TINAGL1: variants seen among roughly 807,000 people sequenced by gnomAD.
TINAGL1 encodes tubulointerstitial nephritis antigen like 1.
A neutral mutation model predicts 62.0 loss-of-function variants in TINAGL1; 34 were observed. The ratio of observed to expected loss-of-function variants is 0.55; its 90% confidence interval spans 0.42 to 0.73. The LOEUF is 0.73. TINAGL1 is among the 30% of genes least tolerant of loss of function. The probability of loss-of-function intolerance (pLI) is 0.00; values close to 1 mark genes in which losing one functional copy is unlikely to be tolerated. For missense variants in TINAGL1, 516 were observed against 653.2 expected, an observed-to-expected ratio of 0.79 and a Z score of 2.29; for synonymous variants, 221 against 249.7, an observed-to-expected ratio of 0.88 and a Z score of 1.08.
chr1:31,583,439 C>A lies in TINAGL1; in HGVS notation c.468-22C>A. The A allele has an allele frequency of 6.2e-7, 1 of 1,607,754 alleles. No individual in the cohort carries two copies. Among genetic ancestry groups the A allele is most frequent in the Non-Finnish European group, 8.5e-7 (1 of 1,176,404 alleles). On this transcript the variant is annotated intron_variant, in intron 4 of 11. Transcript: ENST00000271064. The surrounding 1 kb of genome is among the most constrained non-coding windows in gnomAD (Gnocchi z 4.4). ...CTGAGCCTCGGCAGATCTGTGACTT[C>A]CTTCCGTCCCCTCTCCTTCAGCTGG...
At chr1:31,580,160 G>GCGCT (rs1639179625) in intron 3 of TINAGL1, 2 of 772,070 alleles carry the variant, frequency 2.6e-6, no homozygotes, top group Non-Finnish European at 3.3e-6. Context: ...AGGGGTTAAT[G>GCGCT]CGCTCTCTCT....
chr1:31,582,487 T>C (rs933551780), intron 3 of TINAGL1, among the ~76,000 whole-genome samples: 11 of 152,146 alleles, frequency 7.2e-5, no homozygotes, highest in Admixed American at 5.2e-4. Flanking sequence ...TTGGCTCTTA[T>C]TCTGTGATGT....
chr1:31,577,715 T>A lies in TINAGL1; in HGVS notation c.310+257T>A. On this transcript the variant is annotated intron_variant, in intron 2 of 11. Coordinates refer to ENST00000271064, the MANE Select transcript of TINAGL1 (RefSeq NM_022164.3). This position sits in a 1 kb window ranked among gnomAD's most constrained non-coding sequence, Gnocchi z 5.4. Reference sequence around the variant, plus strand: ...CTGTCTCTTTTCCAGACACGGAAGGTGCTGGCCGCACCTGCTGACTCACTC... The same window carrying A: ...CTGTCTCTTTTCCAGACACGGAAGGAGCTGGCCGCACCTGCTGACTCACTC... 5.8e-6 allele frequency: 3 copies of A among 517,124 alleles called. No individual in the cohort carries two copies. Among genetic ancestry groups the A allele is most frequent in the Non-Finnish European group, 1.0e-5 (3 of 295,604 alleles). The allele number at this position is 517,124 out of a possible 1,614,324, so 32.0% of individuals were successfully genotyped here. A position where few individuals can be genotyped will look rare whatever the true frequency, so the allele number is the denominator to read the frequency against.
intron 3 of TINAGL1, chr1:31,580,335 C>A (rs1213400757): frequency 7.8e-7 from 1 of 1,280,592 alleles, no homozygotes; most frequent in African/African-American, 1.5e-5. Context: ...CTGCCTGGAC[C>A]TGTGTGGGCA....
Position 31,583,586 on chromosome 1 carries a change from C to T in TINAGL1, c.582+11C>T. 6.2e-7 allele frequency: 1 copy of T among 1,604,772 alleles called. No individual in the cohort carries two copies. On this transcript the variant is annotated intron_variant, in intron 5 of 11. Transcript: ENST00000271064. This position sits in a 1 kb window ranked among gnomAD's most constrained non-coding sequence, Gnocchi z 4.4. ...ATGCATGAAATTTATGTAAGTCCAT[C>T]CTTCCCCACAATGCTGCCATCTCCC... is the stretch of plus-strand genomic sequence containing the variant.
chr1:31,584,456 C>A lies in TINAGL1; in HGVS notation c.583-222C>A. The stretch of plus-strand genomic sequence containing the variant: ...GGGAAGCAGGACTAGTCACCACCGC[C>A]ACCCCGCCCCGCCCCACCACCTGAT... On this transcript the variant is annotated intron_variant, in intron 5 of 11. Coordinates refer to ENST00000271064, the MANE Select transcript of TINAGL1 (RefSeq NM_022164.3). The surrounding 1 kb of genome is among the most constrained non-coding windows in gnomAD (Gnocchi z 4.0). The A allele has an allele frequency of 1.6e-6, 1 of 610,374 alleles. No individual in the cohort carries two copies. The highest frequency in any genetic ancestry group is 2.8e-6 in the Non-Finnish European group (1 of 351,224). The allele number at this position is 610,374 out of a possible 1,614,324, so 37.8% of individuals were successfully genotyped here.
intron 3 of TINAGL1, among the ~76,000 whole-genome samples, chr1:31,582,231 G>A (rs1389095140): frequency 6.6e-6 from 1 of 152,112 alleles, no homozygotes; most frequent in Admixed American, 6.6e-5. Flanking sequence ...AGGAGGCTGA[G>A]GTGGGAGGGC....
At position 31,577,510 on chromosome 1, in the gene TINAGL1, A is replaced by G. The variant is rs1557553680; in HGVS notation, c.310+52A>G. On this transcript the variant is annotated intron_variant, in intron 2 of 11. Coordinates refer to ENST00000271064, the MANE Select transcript of TINAGL1 (RefSeq NM_022164.3). The surrounding 1 kb of genome is among the most constrained non-coding windows in gnomAD (Gnocchi z 5.4). ...GGGTCACTTTGTCCACCTCAGACTCAGCAAGGCTCAAGAGCAAAGCTGATG... is the reference window on the plus strand; with the variant it reads ...GGGTCACTTTGTCCACCTCAGACTCGGCAAGGCTCAAGAGCAAAGCTGATG... The G allele has an allele frequency of 3.2e-6, 5 of 1,548,388 alleles. No individual in the cohort carries two copies. In the East Asian group the frequency reaches 1.1e-4, roughly 35 times the overall value.
chr1:31,577,677 T>C lies in TINAGL1; in HGVS notation c.310+219T>C. On this transcript the variant is annotated intron_variant, in intron 2 of 11. Coordinates refer to ENST00000271064, the MANE Select transcript of TINAGL1 (RefSeq NM_022164.3). This position sits in a 1 kb window ranked among gnomAD's most constrained non-coding sequence, Gnocchi z 5.4. Reference sequence around the variant, plus strand: ...CCCAGGGAAAGGGCAACCTCCCACATTTTCTCCCAATCCTGTCTCTTTTCC... The same window carrying C: ...CCCAGGGAAAGGGCAACCTCCCACACTTTCTCCCAATCCTGTCTCTTTTCC... The C allele has an allele frequency of 1.7e-6, 1 of 576,870 alleles. No homozygotes were observed. The highest frequency in any genetic ancestry group is 2.4e-5 in the South Asian group (1 of 41,714). 35.7% of individuals were successfully genotyped at this position (576,870 alleles called of 1,614,324 possible). A position where few individuals can be genotyped will look rare whatever the true frequency, so the allele number is the denominator to read the frequency against.
At chr1:31,582,277 G>A (rs189061086) in intron 3 of TINAGL1, among the ~76,000 whole-genome samples, 7 of 150,832 alleles carry the variant, frequency 4.6e-5, no homozygotes, top group African/African-American at 1.2e-4. Context: ...GCAGTGAGCC[G>A]AGATCACACC....
rs1638985679 is a variant in TINAGL1, at chr1:31,577,028, A to C, written c.-15-106A>C. The stretch of plus-strand genomic sequence containing the variant: ...CCTGCCTGGGGACTCAGGAATCGGG[A>C]TCTCCCTCCCTGCTGGGCCCTCTTG... On this transcript the variant is annotated intron_variant, in intron 1 of 11. Coordinates refer to ENST00000271064, the MANE Select transcript of TINAGL1 (RefSeq NM_022164.3). The surrounding 1 kb of genome is among the most constrained non-coding windows in gnomAD (Gnocchi z 5.4). 1.2e-5 allele frequency: 13 copies of C among 1,046,590 alleles called. No homozygotes were observed. The South Asian group carries it at 2.1e-4, about 17-fold the overall frequency. 64.8% of individuals were successfully genotyped at this position (1,046,590 alleles called of 1,614,324 possible).
chr1:31,585,724 G>C lies in TINAGL1; in HGVS notation c.1094-29G>C, dbSNP rs1168673574. On this transcript the variant is annotated intron_variant, in intron 9 of 11. Coordinates refer to ENST00000271064, the MANE Select transcript of TINAGL1 (RefSeq NM_022164.3). This position sits in a 1 kb window ranked among gnomAD's most constrained non-coding sequence, Gnocchi z 4.3. ...TCCAGTGCCTGTGCCAACGGGCTGA[G>C]TGGACCCTACCTTGACATCTGCCCA... 1.9e-6 allele frequency: 3 copies of C among 1,606,414 alleles called. No individual in the cohort carries two copies. The highest frequency in any genetic ancestry group is 2.6e-6 in the Non-Finnish European group (3 of 1,176,152).
In TINAGL1 at chr1:31,586,911, T is replaced by G; in HGVS notation, c.1336T>G (p.Cys446Gly). ...CCGCATCGTGCGCGGCGTCAATGAG[T>G]GCGACATCGAGAGCTTCGTGCTGGG... ...HFRIVRGVNECDIESFVLGVW... is the reference protein window; with the variant it reads ...HFRIVRGVNEGDIESFVLGVW... The change falls in exon 12 of 12, where the codon TGC becomes GGC. Residue 446 changes from cysteine to glycine, a missense_variant. Cys to Gly is a radical substitution (Grantham distance 159). Coordinates refer to ENST00000271064, the MANE Select transcript of TINAGL1 (RefSeq NM_022164.3). 6.5e-7 allele frequency: 1 copy of G among 1,541,970 alleles called. No homozygotes were observed. Among genetic ancestry groups the G allele is most frequent in the Non-Finnish European group, 8.7e-7 (1 of 1,146,810 alleles).
rs906266813 is a variant in TINAGL1 at position 31,587,004 on chromosome 1, G to A, written c.*25G>A. Reference sequence around the variant, plus strand: ...AGGCTGCGGGCACCACGCGGGGTCCGGCCTGGGATCCAGGCTAAGGGCCGG... The same window carrying A: ...AGGCTGCGGGCACCACGCGGGGTCCAGCCTGGGATCCAGGCTAAGGGCCGG... On this transcript the variant is annotated 3_prime_UTR_variant, in exon 12 of 12. Coordinates refer to ENST00000271064, the MANE Select transcript of TINAGL1 (RefSeq NM_022164.3). 7 of 1,443,896 alleles carry A rather than the reference G, an allele frequency of 4.8e-6. No individual in the cohort carries two copies. Among genetic ancestry groups the A allele is most frequent in the South Asian group, 1.5e-5 (1 of 68,024 alleles). 89.4% of individuals were successfully genotyped at this position (1,443,896 alleles called of 1,614,324 possible).
rs1444553496 is a variant in TINAGL1, at chr1:31,585,779, T to C, written c.1120T>C (p.Phe374Leu). The change falls in exon 10 of 12, where the codon TTC becomes CTC. Residue 374 changes from phenylalanine (F) to leucine (L), a missense_variant. By Grantham distance (22) the Phe-to-Leu change is conservative. Transcript: ENST00000271064. The surrounding 1 kb of genome is among the most constrained non-coding windows in gnomAD (Gnocchi z 4.3). ...QALMEVHEDF[F>L]LYKGGIYSHT... ...CCTCATGGAGGTGCATGAGGACTTC[T>C]TCCTATACAAGGGAGGCATCTACAG... 1 of 1,613,722 alleles carries C rather than the reference T, an allele frequency of 6.2e-7. No individual in the cohort carries two copies. Among genetic ancestry groups the C allele is most frequent in the East Asian group, 2.2e-5 (1 of 44,862 alleles).
At position 31,585,995 on chromosome 1, in the gene TINAGL1, T is replaced by G; in HGVS notation, c.1217+119T>G. The G allele has an allele frequency of 7.6e-7, 1 of 1,316,296 alleles. No individual in the cohort carries two copies. Among genetic ancestry groups the G allele is most frequent in the Non-Finnish European group, 1.0e-6 (1 of 999,256 alleles). 81.5% of individuals were successfully genotyped at this position (1,316,296 alleles called of 1,614,324 possible). Reference sequence around the variant, plus strand: ...GCCAGGACTGCTCTCATCATTTCAATAGGGAGAAAACTGAGACTCAGAAAG... The same window carrying G: ...GCCAGGACTGCTCTCATCATTTCAAGAGGGAGAAAACTGAGACTCAGAAAG... On this transcript the variant is annotated intron_variant, in intron 10 of 11. Transcript: ENST00000271064. The surrounding 1 kb of genome is among the most constrained non-coding windows in gnomAD (Gnocchi z 4.3).
At chr1:31,578,796 TTC>T in intron 2 of TINAGL1, among the ~76,000 whole-genome samples, 2 of 140,398 alleles carry the variant, frequency 1.4e-5, no homozygotes, top group African/African-American at 2.7e-5. Context: ...GTGTGATGTC[TTC>T]AGTTATAGTT....
chr1:31,584,324 G>A lies in TINAGL1; in HGVS notation c.583-354G>A. 3.7e-6 allele frequency: 1 copy of A among 269,680 alleles called. No homozygotes were observed. Among genetic ancestry groups the A allele is most frequent in the Admixed American group, 4.4e-5 (1 of 22,974 alleles). The allele number at this position is 269,680 out of a possible 1,614,324, so 16.7% of individuals were successfully genotyped here. On this transcript the variant is annotated intron_variant, in intron 5 of 11. Coordinates refer to ENST00000271064, the MANE Select transcript of TINAGL1 (RefSeq NM_022164.3). The surrounding 1 kb of genome is among the most constrained non-coding windows in gnomAD (Gnocchi z 4.0). ...GAGGGAAAGCTAAGGCCTGAAGAAA[G>A]CTAAGGCCGATCAGAAGGTGCAGAG...
Position 31,584,839 on chromosome 1 carries a change from G to T in TINAGL1, c.706+38G>T, listed in dbSNP as rs1007979933. 1 of 1,613,918 alleles carries T rather than the reference G, an allele frequency of 6.2e-7. No homozygotes were observed. The highest frequency in any genetic ancestry group is 8.5e-7 in the Non-Finnish European group (1 of 1,179,896). ...CAAGGGCTGGCGCCTGGGAGAGGAGGGCCAAGTCCTGAGCCTCCCGACAGC... is the reference window on the plus strand; with the variant it reads ...CAAGGGCTGGCGCCTGGGAGAGGAGTGCCAAGTCCTGAGCCTCCCGACAGC... On this transcript the variant is annotated intron_variant, in intron 6 of 11. Coordinates refer to ENST00000271064, the MANE Select transcript of TINAGL1 (RefSeq NM_022164.3). The surrounding 1 kb of genome is among the most constrained non-coding windows in gnomAD (Gnocchi z 4.0).
Sources: gnomAD v4.1 joint callset for allele counts (sites outside exome capture counted in the v4.1 genomes callset) on GRCh38, gnomAD v4.1.1 for gene constraint, Gnocchi (gnomAD v3.1) non-coding constraint, MANE v1.5 for transcripts, NCBI Gene and HGNC (gene_info 2026-07-23, HGNC 2026-07-21) for gene names.